PRR5L: variants seen among roughly 807,000 people sequenced by gnomAD.
PRR5L encodes the protein proline-rich protein 5-like.
In PRR5L, 21 loss-of-function variants were observed where a neutral mutation model predicts 36.4. The ratio of observed to expected loss-of-function variants is 0.58; its 90% CI spans 0.41 to 0.83. The LOEUF (loss-of-function observed/expected upper bound fraction) is 0.83. PRR5L is among the 40% of genes least tolerant of loss of function. PRR5L has a pLI of 0.00. For missense variants in PRR5L, 381 were observed against 473.3 expected, an observed-to-expected ratio of 0.80 and a Z score of 1.81; for synonymous variants, 188 against 197.0, an observed-to-expected ratio of 0.95 and a Z score of 0.38.
intron 6 of PRR5L, among the ~76,000 whole-genome samples, chr11:36,443,481 A>G (rs1858764409): frequency 6.6e-6 from 1 of 152,208 alleles, no homozygotes; most frequent in Non-Finnish European, 1.5e-5. Context: ...TCTGCCACTT[A>G]TCATCTTGAT....
chr11:36,391,530 A>G (rs1281497683), intron 1 of PRR5L, among the ~76,000 whole-genome samples: 3 of 151,780 alleles, frequency 2.0e-5, no homozygotes, highest in Non-Finnish European at 2.9e-5. Context: ...TGGGCTTTCC[A>G]GATAACTGAA....
intron 1 of PRR5L, among the ~76,000 whole-genome samples, chr11:36,358,270 G>GT (rs144160516): frequency 0.012 from 1,814 of 152,270 alleles, 32 homozygotes; most frequent in African/African-American, 0.042. Flanking sequence ...GAAAGGAAGA[G>GT]TTTTTTGTGA....
intron 1 of PRR5L, among the ~76,000 whole-genome samples, chr11:36,304,067 C>T (rs568311313): frequency 1.6e-4 from 24 of 152,258 alleles, no homozygotes; most frequent in South Asian, 4.1e-4. Flanking sequence ...GGAGGGTCCT[C>T]GCAGCATCCT....
chr11:36,327,280 G>A (rs1443945737), intron 1 of PRR5L, among the ~76,000 whole-genome samples: 4 of 152,146 alleles, frequency 2.6e-5, no homozygotes, highest in African/African-American at 9.7e-5. Context: ...ACTAGTTCAT[G>A]CCATGATGGG....
At chr11:36,310,202 G>A (rs974277713) in intron 1 of PRR5L, among the ~76,000 whole-genome samples, 5 of 152,138 alleles carry the variant, frequency 3.3e-5, no homozygotes, top group East Asian at 1.9e-4. Flanking sequence ...CAATAAGTAC[G>A]ATCAGTTGTT....
chr11:36,346,374 G>T (rs1856865535), intron 1 of PRR5L, among the ~76,000 whole-genome samples: 1 of 152,122 alleles, frequency 6.6e-6, no homozygotes, highest in Non-Finnish European at 1.5e-5. Flanking sequence ...ACGAGGTCAG[G>T]AGATCGAGAC....
chr11:36,365,684 A>G (rs1459964502), intron 1 of PRR5L, among the ~76,000 whole-genome samples: 1 of 152,186 alleles, frequency 6.6e-6, no homozygotes, highest in Non-Finnish European at 1.5e-5. Context: ...ATGCCCATCT[A>G]GGATAGCTAA....
At chr11:36,399,812 G>C (rs560786340) in intron 1 of PRR5L, among the ~76,000 whole-genome samples, 1 of 152,302 alleles carries the variant, frequency 6.6e-6, no homozygotes, top group African/African-American at 2.4e-5. Flanking sequence ...TGAAATTACA[G>C]GTCCAAAGGT....
At chr11:36,436,042 G>A (rs1329352949) in intron 5 of PRR5L, among the ~76,000 whole-genome samples, 1 of 152,182 alleles carries the variant, frequency 6.6e-6, no homozygotes, top group Non-Finnish European at 1.5e-5. Flanking sequence ...GGGTGCCCTG[G>A]ATTTGCATTT....
intron 1 of PRR5L, chr11:36,323,525 CCTGTGGGCT>C (rs1377627150): frequency 1.3e-5 from 2 of 152,204 alleles, no homozygotes; most frequent in Non-Finnish European, 2.9e-5. Context: ...TAAGATGACT[CCTGTGGGCT>C]CTTATACATA....
At chr11:36,376,800 C>T in intron 1 of PRR5L, 1 of 876,144 alleles carries the variant, frequency 1.1e-6, no homozygotes, top group Non-Finnish European at 1.4e-6. Context: ...GCTAATCTGA[C>T]GGGGCGCGGC....
intron 3 of PRR5L, among the ~76,000 whole-genome samples, chr11:36,418,070 T>G (rs756164465): frequency 2.6e-5 from 4 of 152,232 alleles, no homozygotes; most frequent in Non-Finnish European, 5.9e-5. Context: ...CACTTAAGAT[T>G]CGTTGAAATC....
intron 1 of PRR5L, among the ~76,000 whole-genome samples, chr11:36,356,421 G>C (rs894907134): frequency 2.6e-5 from 4 of 152,140 alleles, no homozygotes; most frequent in African/African-American, 7.2e-5. Context: ...GGAGTTGAGG[G>C]AAGTGAGAAA....
intron 3 of PRR5L, among the ~76,000 whole-genome samples, chr11:36,406,399 T>C (rs543254887): frequency 7.2e-5 from 11 of 152,312 alleles, no homozygotes; most frequent in African/African-American, 2.6e-4. Flanking sequence ...CCTTACATTC[T>C]AGCCACACTA....
chr11:36,330,741 G>A (rs776663135), intron 1 of PRR5L, among the ~76,000 whole-genome samples: 31 of 152,208 alleles, frequency 2.0e-4, no homozygotes, highest in Non-Finnish European at 3.2e-4. Flanking sequence ...AGAGACAATA[G>A]CTAGAATTAT....
intron 4 of PRR5L, among the ~76,000 whole-genome samples, chr11:36,431,556 T>C (rs1002851250): frequency 1.3e-5 from 2 of 152,088 alleles, no homozygotes; most frequent in African/African-American, 4.8e-5. Flanking sequence ...GGACACTGGG[T>C]GTCAACAATA....
chr11:36,460,215 A>C (rs2133639091), intron 8 of PRR5L, among the ~76,000 whole-genome samples: 1 of 152,254 alleles, frequency 6.6e-6, no homozygotes, highest in Non-Finnish European at 1.5e-5. Context: ...CTGTCCTTAA[A>C]TATTATTTGA....
chr11:36,417,423 C>T (rs1300924615), intron 3 of PRR5L, among the ~76,000 whole-genome samples: 2 of 152,178 alleles, frequency 1.3e-5, no homozygotes, highest in Non-Finnish European at 2.9e-5. Context: ...TAGCCTCTGC[C>T]TCAAAGACTA....
chr11:36,304,088 T>C (rs908693584), intron 1 of PRR5L, among the ~76,000 whole-genome samples: 2 of 152,328 alleles, frequency 1.3e-5, no homozygotes, highest in Admixed American at 6.5e-5. Context: ...CAGAAGAGAC[T>C]GAGGCCATTC....
Sources: gnomAD v4.1 joint callset for allele counts (sites outside exome capture counted in the v4.1 genomes callset) on GRCh38, gnomAD v4.1.1 for gene constraint, MANE v1.5 for transcripts, NCBI Gene and HGNC (gene_info 2026-07-23, HGNC 2026-07-21) for gene names.